The following COL4A4 variants were observed in gnomAD, a reference collection of about 807,000 sequenced individuals.
COL4A4 encodes collagen alpha-4(IV) chain.
COL4A4 carries 105 observed loss-of-function variants against 192.9 expected under a neutral mutation model. The observed-to-expected ratio is 0.54, with a 90% CI of 0.46 to 0.64. The LOEUF (loss-of-function observed/expected upper bound fraction) is 0.64, where lower values mean the gene tolerates loss of function less well. COL4A4 is among the 30% of genes least tolerant of loss of function. The probability of loss-of-function intolerance (pLI) is 0.00; values close to 1 mark genes in which losing one functional copy is unlikely to be tolerated. For missense variants in COL4A4, 1,967 were observed against 2,169.3 expected (o/e 0.91, Z 1.85); for synonymous variants, 762 against 769.9 (o/e 0.99, Z 0.17).
chr2:227,111,798 T>C, intron 8 of COL4A4, 85 bp from the exon 9 acceptor site: 1 of 1,390,194 alleles, frequency 7.2e-7, no homozygotes, highest in Non-Finnish European at 1.0e-6. Flanking sequence ...TACACAAAAT[T>C]ATCTGGACTC....
At chr2:227,101,843 C>T (rs751114912) in intron 16 of COL4A4, 22 bp downstream of exon 16, 1 of 1,528,304 alleles carries the variant, frequency 6.5e-7, no homozygotes, top group Non-Finnish European at 9.0e-7. Context: ...TATTTATTAT[C>T]TCTATAATGA....
rs574030269 is a variant in COL4A4 at position 227,022,073 on chromosome 2, A to T, written c.4191T>A (p.Pro1397=). Residue 1397 remains proline, a synonymous_variant, in exon 44 of 48, where the codon CCT becomes CCA. Transcript: ENST00000396625. The part of the protein sequence containing the change: ...MRGPEGAMGL[P]GMRGPSGPGC... ...CTGGTCCTGAGGGGCCTCTCATTCC[A>T]GGGAGCCCCATGGCTCCTTCTGGTC... The T allele has an allele frequency of 1.9e-6, 3 of 1,613,910 alleles. No individual in the cohort carries two copies. In the East Asian group the frequency reaches 6.7e-5, roughly 36 times the overall value.
At chr2:226,988,744 C>T in the COL4A4 span, 6 of 908,858 alleles carry the variant, frequency 6.6e-6, no homozygotes, top group African/African-American at 1.8e-5. Flanking sequence ...AGAGATAGAA[C>T]GAGCATAGAG....
chr2:227,108,508 T>A, intron 12 of COL4A4, 73 bp downstream of exon 12: 1 of 1,449,176 alleles, frequency 6.9e-7, no homozygotes, highest in Non-Finnish European at 9.7e-7. Context: ...GTTCAAATAA[T>A]CAGAACAGCC....
At chr2:227,071,241 G>C (rs1288043954) in intron 25 of COL4A4, among the ~76,000 whole-genome samples, 1 of 151,950 alleles carries the variant, frequency 6.6e-6, no homozygotes, top group African/African-American at 2.4e-5. Context: ...AAGGCAGCAG[G>C]GATAGCTATT....
At chr2:227,053,172 T>C (rs1974506670) in intron 31 of COL4A4, among the ~76,000 whole-genome samples, 2 of 152,132 alleles carry the variant, frequency 1.3e-5, no homozygotes, top group South Asian at 2.1e-4. Flanking sequence ...AATTGTATAG[T>C]AGCATAATAG....
chr2:227,142,097 CAA>C (rs531488311), intron 3 of COL4A4, among the ~76,000 whole-genome samples: 9,709 of 118,626 alleles, frequency 0.082, 736 homozygotes, highest in African/African-American at 0.28. Flanking sequence ...TTAGTAGATT[CAA>C]AAAAAAAAAA....
At chr2:227,055,072 G>A (rs773552034) in intron 30 of COL4A4, among the ~76,000 whole-genome samples, 2 of 152,180 alleles carry the variant, frequency 1.3e-5, no homozygotes, top group African/African-American at 2.4e-5. Flanking sequence ...TTATAGGTGT[G>A]AGCCACTGTG....
Position 227,056,023 on chromosome 2 carries a change from C to T in COL4A4, c.2638G>A (p.Ala880Thr), listed in dbSNP as rs920502780. ...GLPGLPGRPG[A>T]HGPPGLPGIP... Reference sequence around the variant, plus strand: ...CCTGGGAGGCCTGGGGGACCATGTGCCCCAGGCCGTCCTGGGAGTCCGGGG... The same window carrying T: ...CCTGGGAGGCCTGGGGGACCATGTGTCCCAGGCCGTCCTGGGAGTCCGGGG... The change falls in exon 30 of 48, where the codon GCA (alanine) becomes ACA (threonine). Residue 880 changes from alanine to threonine, a missense_variant. Physicochemically the swap from Ala to Thr is moderately conservative, Grantham distance 58. Coordinates refer to ENST00000396625, the MANE Select transcript of COL4A4 (RefSeq NM_000092.5). 3 of 1,613,754 alleles carry T rather than the reference C, an allele frequency of 1.9e-6. No individual in the cohort carries two copies. Among genetic ancestry groups the T allele is most frequent in the East Asian group, 2.2e-5 (1 of 44,854 alleles).
intron 40 of COL4A4, among the ~76,000 whole-genome samples, chr2:227,031,375 C>T (rs941814663): frequency 1.3e-5 from 2 of 152,146 alleles, no homozygotes; most frequent in Admixed American, 6.5e-5. Context: ...CACACGGAGC[C>T]ACACTCTTCT....
chr2:227,041,125 C>T (rs1970733391), intron 37 of COL4A4, among the ~76,000 whole-genome samples: 1 of 152,026 alleles, frequency 6.6e-6, no homozygotes, highest in Non-Finnish European at 1.5e-5. Context: ...TTTTCTCTTC[C>T]ACTTATCATG....
Position 227,060,308 on chromosome 2 carries a change from T to C in COL4A4, c.2057-65A>G, listed in dbSNP as rs796291509. ...AAAATCTAATGTGAACAAAATGAGA[T>C]GATTTTCTTTAAGTCTATGTTAAGT... On this transcript the variant is annotated intron_variant, in intron 26 of 47. Transcript: ENST00000396625. 14 of 1,120,332 alleles carry C rather than the reference T, an allele frequency of 1.2e-5. No individual in the cohort carries two copies. In the African/African-American group the frequency reaches 2.2e-4, roughly 17 times the overall value. 69.4% of individuals were successfully genotyped at this position (1,120,332 alleles called of 1,614,324 possible). A position where few individuals can be genotyped will look rare whatever the true frequency, so the allele number is the denominator to read the frequency against.
At chr2:226,975,135 C>G in the COL4A4 span, among the ~76,000 whole-genome samples, 1 of 152,164 alleles carries the variant, frequency 6.6e-6, no homozygotes, top group Non-Finnish European at 1.5e-5. Context: ...GATCTGAGCT[C>G]TCCTAGGGCC....
In COL4A4 at chr2:227,088,590, T is replaced by C. The variant is rs932074838; in HGVS notation, c.1623+63A>G. Reference sequence around the variant, plus strand: ...GTCTTGGGTAGTATCTTTATGGTAGTGTGAAAACAGACTAATACCATGTCT... The same window carrying C: ...GTCTTGGGTAGTATCTTTATGGTAGCGTGAAAACAGACTAATACCATGTCT... On this transcript the variant is annotated intron_variant, in intron 22 of 47. Transcript: ENST00000396625. 71 of 1,577,792 alleles carry C rather than the reference T, an allele frequency of 4.5e-5. 1 individual carries two copies. The Middle Eastern group carries it at 8.4e-4, about 19-fold the overall frequency.
At chr2:227,011,939 A>G (rs1963814181) in intron 45 of COL4A4, among the ~76,000 whole-genome samples, 1 of 152,204 alleles carries the variant, frequency 6.6e-6, no homozygotes, top group Admixed American at 6.5e-5. Context: ...GCAGTTTGGG[A>G]AAATACTGAA....
At chr2:227,122,883 G>A (rs1308027453) in intron 4 of COL4A4, among the ~76,000 whole-genome samples, 1 of 150,716 alleles carries the variant, frequency 6.6e-6, no homozygotes, top group African/African-American at 2.5e-5. Flanking sequence ...ATTTTTTTTT[G>A]AGACAGGGTC....
At chr2:226,991,699 TAAGGAA>T in the COL4A4 span, among the ~76,000 whole-genome samples, 11 of 152,242 alleles carry the variant, frequency 7.2e-5, no homozygotes, top group African/African-American at 2.6e-4. Context: ...ATTTTATAGA[TAAGGAA>T]ACTAAGACCA....
intron 1 of COL4A4, among the ~76,000 whole-genome samples, chr2:227,152,424 T>A (rs1171642703): frequency 6.6e-6 from 1 of 152,244 alleles, no homozygotes; most frequent in East Asian, 1.9e-4. Context: ...AGGGTCCATG[T>A]GCTTCAGTTT....
At chr2:227,158,668 G>A (rs560437278) in intron 1 of COL4A4, among the ~76,000 whole-genome samples, 1 of 151,690 alleles carries the variant, frequency 6.6e-6, no homozygotes, top group Non-Finnish European at 1.5e-5. Context: ...AAAAAGATTT[G>A]AATAGGCACT....
Sources: gnomAD v4.1 joint callset for allele counts (sites outside exome capture counted in the v4.1 genomes callset) on GRCh38, gnomAD v4.1.1 for gene constraint, MANE v1.5 for transcripts, NCBI Gene and HGNC (gene_info 2026-07-23, HGNC 2026-07-21) for gene names.